Variants in NREP observed in about 807,000 individuals in gnomAD.
NREP encodes neuronal regeneration related protein.
In NREP, 5 loss-of-function variants were observed where a neutral mutation model predicts 8.6. That is an observed-to-expected ratio of 0.58 (90% CI 0.30 to 1.22). The LOEUF is 1.22. NREP is among the 50% of genes most tolerant of loss of function. The probability of loss-of-function intolerance (pLI) is 0.07; values close to 1 mark genes in which losing one functional copy is unlikely to be tolerated. For synonymous variants in NREP, 27 were observed against 28.0 expected (o/e 0.96, Z 0.11); for missense variants, 86 against 82.5 (o/e 1.04, Z -0.17).
intron 3 of NREP, chr5:111,734,494 C>T: frequency 2.6e-6 from 1 of 391,562 alleles, no homozygotes; most frequent in Non-Finnish European, 4.6e-6. Context: ...TTCAAAAATG[C>T]TCTGCAAGAT....
At chr5:111,776,373 G>A (rs1362462294) in intron 2 of NREP, among the ~76,000 whole-genome samples, 1 of 152,124 alleles carries the variant, frequency 6.6e-6, no homozygotes, top group Non-Finnish European at 1.5e-5. Context: ...TAAAAAGAAT[G>A]ATCAAAATTG....
chr5:111,908,853 T>C (rs868821950), intron 2 of NREP, among the ~76,000 whole-genome samples: 1 of 151,796 alleles, frequency 6.6e-6, no homozygotes, highest in Non-Finnish European at 1.5e-5. Context: ...ATCTCCATAC[T>C]GCATTCCCTT....
chr5:111,853,767 G>C (rs961460973), intron 2 of NREP, among the ~76,000 whole-genome samples: 2 of 151,752 alleles, frequency 1.3e-5, no homozygotes, highest in Admixed American at 6.6e-5. Flanking sequence ...AACAGAGGGT[G>C]GTTCCTCCCC....
chr5:111,909,704 C>G (rs1373936242), intron 2 of NREP, among the ~76,000 whole-genome samples: 3 of 152,080 alleles, frequency 2.0e-5, no homozygotes, highest in Non-Finnish European at 4.4e-5. Flanking sequence ...ATGGCTTGGA[C>G]ATGAAATTTA....
At chr5:111,871,127 G>A (rs1753781536) in intron 2 of NREP, among the ~76,000 whole-genome samples, 1 of 151,022 alleles carries the variant, frequency 6.6e-6, no homozygotes, top group Non-Finnish European at 1.5e-5. Context: ...TTGTGAGAAA[G>A]GCGTGTTAGG....
chr5:111,744,540 C>A (rs1324483720), intron 2 of NREP, among the ~76,000 whole-genome samples: 2 of 151,970 alleles, frequency 1.3e-5, no homozygotes, highest in African/African-American at 4.8e-5. Flanking sequence ...ACTAAAAGTA[C>A]AAGAGGAATG....
chr5:111,771,111 AT>A (rs1185431503), intron 2 of NREP, among the ~76,000 whole-genome samples: 1 of 152,214 alleles, frequency 6.6e-6, no homozygotes, highest in African/African-American at 2.4e-5. Context: ...GGAGAATTGC[AT>A]TGATACTTTA....
chr5:111,859,372 A>C (rs972747209), intron 2 of NREP, among the ~76,000 whole-genome samples: 18 of 152,314 alleles, frequency 1.2e-4, no homozygotes, highest in African/African-American at 4.3e-4. Flanking sequence ...GGGAAATGAT[A>C]AAAAGTTTAG....
At chr5:111,778,675 T>C (rs1751419616) in intron 2 of NREP, among the ~76,000 whole-genome samples, 1 of 152,120 alleles carries the variant, frequency 6.6e-6, no homozygotes, top group Non-Finnish European at 1.5e-5. Flanking sequence ...GCTTTACAAG[T>C]TTGTTTGTGT....
intron 2 of NREP, among the ~76,000 whole-genome samples, chr5:111,914,979 G>A (rs906709014): frequency 1.3e-5 from 2 of 151,990 alleles, no homozygotes; most frequent in African/African-American, 4.8e-5. Flanking sequence ...ATTAATACAA[G>A]TCCTTTTCAT....
intron 2 of NREP, among the ~76,000 whole-genome samples, chr5:111,767,177 T>C (rs1029200592): frequency 1.3e-5 from 2 of 152,182 alleles, no homozygotes; most frequent in African/African-American, 4.8e-5. Flanking sequence ...AAGGAAGATT[T>C]TTATGAAAGA....
chr5:111,919,799 C>T (rs1755172796), intron 2 of NREP, among the ~76,000 whole-genome samples: 1 of 151,164 alleles, frequency 6.6e-6, no homozygotes, highest in African/African-American at 2.4e-5. Context: ...TGCAGCAAAC[C>T]ACCATGGCAT....
In NREP at chr5:111,756,868, G is replaced by A. The variant is rs1750746740; in HGVS notation, c.-59+268C>T. 2.6e-5 allele frequency among the ~76,000 whole-genome samples: 4 copies of A among 152,094 alleles called. No individual in the cohort carries two copies. The South Asian group carries it at 8.3e-4, about 32-fold the overall frequency. ...AGAACAAAATTAACCACACCAACAA[G>A]CACAAAACCCCACCCCTTCCCAAAA... On this transcript the variant is annotated intron_variant, in intron 1 of 3. Coordinates refer to ENST00000257435, the MANE Select transcript of NREP (RefSeq NM_004772.4).
At chr5:111,780,874 G>A (rs1009274563) in intron 2 of NREP, among the ~76,000 whole-genome samples, 14 of 149,292 alleles carry the variant, frequency 9.4e-5, no homozygotes, top group African/African-American at 3.2e-4. Context: ...AAGAAATAGA[G>A]TCTATGTTCC....
intron 1 of NREP, among the ~76,000 whole-genome samples, chr5:111,756,786 A>T (rs1347310609): frequency 2.6e-5 from 4 of 152,216 alleles, no homozygotes; most frequent in Non-Finnish European, 5.9e-5. Flanking sequence ...TGCATGCACC[A>T]AAGTGCATTT....
chr5:111,847,947 AT>A (rs1265482234), intron 2 of NREP, among the ~76,000 whole-genome samples: 5 of 152,132 alleles, frequency 3.3e-5, no homozygotes, highest in African/African-American at 1.2e-4. Context: ...TGGTGTAGTT[AT>A]TTCAACATTG....
At chr5:111,898,323 ACT>A (rs1754563033) in intron 2 of NREP, among the ~76,000 whole-genome samples, 2 of 152,138 alleles carry the variant, frequency 1.3e-5, no homozygotes, top group South Asian at 2.1e-4. Context: ...AATTAAAAAG[ACT>A]CTGACTATAA....
intron 2 of NREP, among the ~76,000 whole-genome samples, chr5:111,970,668 A>T (rs1756787309): frequency 6.6e-6 from 1 of 151,926 alleles, no homozygotes; most frequent in Non-Finnish European, 1.5e-5. Flanking sequence ...TCCACTAAAA[A>T]CACAGAAAGT....
At chr5:111,857,278 G>A (rs955731429) in intron 2 of NREP, among the ~76,000 whole-genome samples, 8 of 152,190 alleles carry the variant, frequency 5.3e-5, no homozygotes, top group African/African-American at 1.7e-4. Flanking sequence ...AGTAGGTCAG[G>A]CCTTGGGGCC....
Sources: allele counts gnomAD v4.1 joint callset (sites outside exome capture counted in the v4.1 genomes callset), GRCh38; gene constraint gnomAD v4.1.1; transcripts MANE v1.5; gene names NCBI Gene and HGNC (gene_info 2026-07-23, HGNC 2026-07-21).